SORCS3: variants seen among roughly 807,000 people sequenced by gnomAD.
SORCS3 encodes VPS10 domain-containing receptor SorCS3.
A neutral mutation model predicts 146.3 loss-of-function variants in SORCS3; 57 were observed. That is an observed-to-expected ratio of 0.39 (90% CI 0.31 to 0.49). The LOEUF is 0.49. Ranked by LOEUF, SORCS3 falls within the 20% of genes least tolerant of loss-of-function variation. The probability of loss-of-function intolerance (pLI) is 0.92; values close to 1 mark genes in which losing one functional copy is unlikely to be tolerated. For synonymous variants in SORCS3, 653 were observed against 618.5 expected (o/e 1.06, Z -0.83); for missense variants, 1,341 against 1,575.5 (o/e 0.85, Z 2.52).
In SORCS3 at chr10:104,874,581, T is replaced by TA. The variant is rs201540222; in HGVS notation, c.695+31730dup. ...AAACCCTTAAATGGTAGGGTTTTAT[T>TA]AAAAAAAACAAATGGAAGTAAACCT... On this transcript the variant is annotated intron_variant, in intron 2 of 26. Transcript: ENST00000369701. 8.6e-5 allele frequency among the ~76,000 whole-genome samples: 13 copies of TA among 151,908 alleles called. No homozygotes were observed. The South Asian group carries it at 1.0e-3, about 12-fold the overall frequency.
chr10:104,666,054 G>A (rs891669124), intron 1 of SORCS3: 4 of 152,072 alleles, frequency 2.6e-5, no homozygotes, highest in Non-Finnish European at 4.4e-5. Context: ...TTCTTGTCTT[G>A]GTGAGGTCTA....
intron 14 of SORCS3, among the ~76,000 whole-genome samples, chr10:105,181,368 A>G (rs1040048674): frequency 1.3e-5 from 2 of 152,156 alleles, no homozygotes; most frequent in Non-Finnish European, 2.9e-5. Flanking sequence ...AGCAGACTGC[A>G]TATGTGTGTA....
At chr10:104,924,256 A>C (rs552101525) in intron 3 of SORCS3, among the ~76,000 whole-genome samples, 1 of 152,350 alleles carries the variant, frequency 6.6e-6, no homozygotes, top group East Asian at 1.9e-4. Flanking sequence ...CACTTGCCTC[A>C]GAGCTGGGGC....
Position 105,032,322 on chromosome 10 carries a change from A to C in SORCS3, c.955-10733A>C, listed in dbSNP as rs1011359708. On this transcript the variant is annotated intron_variant, in intron 4 of 26. Coordinates refer to ENST00000369701, the MANE Select transcript of SORCS3 (RefSeq NM_014978.3). ...AAGTTCCTAAAACCCTTGGAACTTC[A>C]GTATCCTCCTTCAGGAAGTGTGGAC... Among the ~76,000 whole-genome samples, 4 of 152,224 alleles carry C rather than the reference A, an allele frequency of 2.6e-5. No homozygotes were observed. The East Asian group carries it at 7.7e-4, about 29-fold the overall frequency.
At chr10:105,195,112 T>C (rs2056536860) in intron 14 of SORCS3, among the ~76,000 whole-genome samples, 1 of 152,180 alleles carries the variant, frequency 6.6e-6, no homozygotes, top group African/African-American at 2.4e-5. Flanking sequence ...ATGCCTTTGG[T>C]TCTTCCATCC....
intron 4 of SORCS3, among the ~76,000 whole-genome samples, chr10:105,009,519 C>CAAAA (rs2055118181): frequency 3.0e-5 from 1 of 33,038 alleles, no homozygotes; most frequent in African/African-American, 1.0e-4. Context: ...AACAAACAAA[C>CAAAA]AAACAAACAA....
intron 3 of SORCS3, among the ~76,000 whole-genome samples, chr10:104,918,470 T>C (rs1001939293): frequency 5.3e-5 from 8 of 152,214 alleles, no homozygotes; most frequent in South Asian, 2.1e-4. Context: ...TTTATGATCT[T>C]GAATTAAAGC....
intron 2 of SORCS3, among the ~76,000 whole-genome samples, chr10:104,865,616 C>T (rs551631155): frequency 1.3e-5 from 2 of 152,270 alleles, no homozygotes; most frequent in South Asian, 2.1e-4. Context: ...GTAGGTGCTT[C>T]GCTTTTATTG....
Position 105,170,090 on chromosome 10 carries a change from T to C in SORCS3, c.1901+2741T>C, listed in dbSNP as rs1349018288. On this transcript the variant is annotated intron_variant, in intron 13 of 26. Coordinates refer to ENST00000369701, the MANE Select transcript of SORCS3 (RefSeq NM_014978.3). ...AGAGTTTATTTTTGTCATTTCCTTT[T>C]GGTGGTAGAAGAGAAGAGCATATTT... 2.6e-5 allele frequency among the ~76,000 whole-genome samples: 4 copies of C among 152,156 alleles called. No homozygotes were observed. In the South Asian group the frequency reaches 6.2e-4, roughly 24 times the overall value.
chr10:105,178,167 T>C lies in SORCS3; in HGVS notation c.2003T>C (p.Ile668Thr). The C allele has an allele frequency of 1.2e-6, 2 of 1,610,318 alleles. No homozygotes were observed. Among genetic ancestry groups the C allele is most frequent in the Middle Eastern group, 1.7e-4 (1 of 6,054 alleles). The change falls in exon 14 of 27, where the codon ATC (isoleucine) becomes ACC (threonine). Residue 668 changes from isoleucine to threonine, a missense_variant. Coordinates refer to ENST00000369701, the MANE Select transcript of SORCS3 (RefSeq NM_014978.3). ...ALVEAGMETH[I>T]MTVFGHFSLR... is the part of the protein sequence containing the mutation. The stretch of plus-strand genomic sequence containing the variant: ...GTGGAGGCAGGAATGGAGACCCACA[T>C]CATGACGTGAGTACTTCTTTTGCTG...
intron 2 of SORCS3, among the ~76,000 whole-genome samples, chr10:104,843,142 AGATCAGATAAACATGCAC>A (rs1229896183): frequency 2.0e-5 from 3 of 152,144 alleles, no homozygotes; most frequent in Non-Finnish European, 4.4e-5. Flanking sequence ...CTGGCTAGAG[AGATCAGATAAACATGCAC>A]GAGTAGAGGT....
intron 7 of SORCS3, among the ~76,000 whole-genome samples, chr10:105,133,911 T>C (rs866280753): frequency 5.9e-5 from 9 of 152,262 alleles, no homozygotes; most frequent in Middle Eastern, 3.4e-3. Context: ...TGAACCATGA[T>C]TGTACCACTG....
chr10:105,024,361 G>A (rs2055214529), intron 4 of SORCS3, among the ~76,000 whole-genome samples: 1 of 151,938 alleles, frequency 6.6e-6, no homozygotes, highest in South Asian at 2.1e-4. Flanking sequence ...TTTGACTTTT[G>A]TCTCTCACTG....
At chr10:104,830,366 A>G (rs1242100510) in intron 1 of SORCS3, among the ~76,000 whole-genome samples, 1 of 152,200 alleles carries the variant, frequency 6.6e-6, no homozygotes, top group African/African-American at 2.4e-5. Flanking sequence ...TCACTGCAGG[A>G]ACCATCACGT....
At position 105,200,008 on chromosome 10, in the gene SORCS3, C is replaced by A; in HGVS notation, c.2019C>A (p.Gly673=). Reference sequence around the variant, plus strand: ...TCCCCTAAACACTTAGAGTTTTTGGCCACTTCAGCCTCCGCTCCGAATGGC... The same window carrying A: ...TCCCCTAAACACTTAGAGTTTTTGGACACTTCAGCCTCCGCTCCGAATGGC... ...GMETHIMTVF[G]HFSLRSEWQL... is the part of the protein sequence containing the mutation. The change falls in exon 15 of 27, where the codon GGC becomes GGA. Residue 673 remains glycine, a synonymous_variant. Coordinates refer to ENST00000369701, the MANE Select transcript of SORCS3 (RefSeq NM_014978.3). 1.6e-5 allele frequency: 26 copies of A among 1,613,054 alleles called. No individual in the cohort carries two copies. Among genetic ancestry groups the A allele is most frequent in the Non-Finnish European group, 2.2e-5 (26 of 1,179,246 alleles).
In SORCS3 at chr10:104,641,971, C is replaced by T. The variant is rs2015425625; in HGVS notation, c.627+17C>T. On this transcript the variant is annotated intron_variant, in intron 1 of 26. Transcript: ENST00000369701. This position sits in a 1 kb window ranked among gnomAD's most constrained non-coding sequence, Gnocchi z 6.4. ...AACAGCAGCGTGAGTACCCACCCGG[C>T]GGCGGGTCCGCCTGTTTCCTGACAC... is the stretch of plus-strand genomic sequence containing the variant. The T allele has an allele frequency of 1.7e-6, 2 of 1,195,186 alleles. No homozygotes were observed. Among genetic ancestry groups the T allele is most frequent in the African/African-American group, 2.1e-5 (1 of 48,728 alleles). The allele number at this position is 1,195,186 out of a possible 1,614,324, so 74.0% of individuals were successfully genotyped here. A position where few individuals can be genotyped will look rare whatever the true frequency, so the allele number is the denominator to read the frequency against.
At chr10:105,116,031 C>G (rs907999992) in intron 7 of SORCS3, among the ~76,000 whole-genome samples, 1 of 152,190 alleles carries the variant, frequency 6.6e-6, no homozygotes, top group East Asian at 1.9e-4. Flanking sequence ...GTGTTTTCAA[C>G]AGCCAGCCCA....
At chr10:104,747,656 C>G (rs2016926884) in intron 1 of SORCS3, among the ~76,000 whole-genome samples, 1 of 152,216 alleles carries the variant, frequency 6.6e-6, no homozygotes, top group Non-Finnish European at 1.5e-5. Context: ...CTGTGCTATG[C>G]TCTGTGCATT....
intron 3 of SORCS3, among the ~76,000 whole-genome samples, chr10:104,932,975 C>T (rs11192235): frequency 0.27 from 41,393 of 152,048 alleles, 7,149 homozygotes; most frequent in African/African-American, 0.49. Context: ...AAATAATCCT[C>T]CTGTGTTGGC....
Sources: gnomAD v4.1 joint callset for allele counts (sites outside exome capture counted in the v4.1 genomes callset) on GRCh38, gnomAD v4.1.1 for gene constraint, Gnocchi (gnomAD v3.1) non-coding constraint, MANE v1.5 for transcripts, NCBI Gene and HGNC (gene_info 2026-07-23, HGNC 2026-07-21) for gene names.